Variants in NOL4 observed in about 807,000 individuals in gnomAD.
NOL4 encodes cancer/testis antigen 125.
In NOL4, 17 loss-of-function variants were observed where a neutral mutation model predicts 75.9. The ratio of observed to expected loss-of-function variants is 0.22; its 90% CI spans 0.15 to 0.34. NOL4 has a LOEUF of 0.34. Ranked by LOEUF, NOL4 falls within the 10% of genes least tolerant of loss-of-function variation. NOL4 has a pLI of 1.00. For synonymous variants in NOL4, 292 were observed against 289.9 expected (o/e 1.01, Z -0.07); for missense variants, 614 against 793.5 (o/e 0.77, Z 2.72).
rs1003590468 is a variant in NOL4, at chr18:33,882,151, A to T, written c.1723+1093T>A. 6.3e-3 allele frequency among the ~76,000 whole-genome samples: 959 copies of T among 152,312 alleles called. 8 individuals are homozygous for T. The highest frequency in any genetic ancestry group is 0.021 in the African/African-American group (882 of 41,568). On this transcript the variant is annotated intron_variant, in intron 10 of 10. Transcript: ENST00000261592. ...ATTCAGGACATAGGCATGGACAAGG[A>T]CTTCATGTCTAAAACACCAAAAGCA...
rs530037793 is a variant in NOL4 at position 33,907,046 on chromosome 18, A to G, written c.1543-23622T>C. Among the ~76,000 whole-genome samples, 3 of 152,256 alleles carry G rather than the reference A, an allele frequency of 2.0e-5. No homozygotes were observed. In the South Asian group the frequency reaches 6.2e-4, roughly 32 times the overall value. On this transcript the variant is annotated intron_variant, in intron 9 of 10. Coordinates refer to ENST00000261592, the MANE Select transcript of NOL4 (RefSeq NM_003787.5). The stretch of plus-strand genomic sequence containing the variant: ...GCTACAAAAGACCTTGAAAGAGGCA[A>G]GGCACGGTGGCTCACGCCTGTAATC...
At chr18:33,948,218 T>C (rs2068969940) in intron 8 of NOL4, among the ~76,000 whole-genome samples, 1 of 151,920 alleles carries the variant, frequency 6.6e-6, no homozygotes, top group Admixed American at 6.6e-5. Context: ...CCACCCAAGG[T>C]TGTAAGTAGA....
At chr18:34,092,327 C>T (rs958867998) in intron 5 of NOL4, among the ~76,000 whole-genome samples, 11 of 152,056 alleles carry the variant, frequency 7.2e-5, no homozygotes, top group African/African-American at 1.7e-4. Context: ...TATTATAGCA[C>T]GTAGCAATTA....
chr18:34,043,600 C>T (rs940741326), intron 5 of NOL4, among the ~76,000 whole-genome samples: 4 of 152,108 alleles, frequency 2.6e-5, no homozygotes, highest in African/African-American at 4.8e-5. Context: ...TTAGTTATAT[C>T]GCTTTAAAAA....
At chr18:33,863,014 A>T (rs1000494850) in intron 10 of NOL4, among the ~76,000 whole-genome samples, 1 of 152,226 alleles carries the variant, frequency 6.6e-6, no homozygotes, top group African/African-American at 2.4e-5. Flanking sequence ...AAGACTTGGA[A>T]CCAAGCCAAA....
At chr18:34,000,627 C>T (rs2073627876) in intron 6 of NOL4, among the ~76,000 whole-genome samples, 1 of 152,018 alleles carries the variant, frequency 6.6e-6, no homozygotes, top group Non-Finnish European at 1.5e-5. Flanking sequence ...TCTCAATGTC[C>T]ACATCATATT....
intron 10 of NOL4, among the ~76,000 whole-genome samples, chr18:33,879,564 C>A (rs1487994901): frequency 6.6e-6 from 1 of 151,902 alleles, no homozygotes; most frequent in Non-Finnish European, 1.5e-5. Flanking sequence ...ACCTGTAGTA[C>A]CAACTACTCT....
chr18:33,868,459 C>T (rs16964994), intron 10 of NOL4, among the ~76,000 whole-genome samples: 23,089 of 151,924 alleles, frequency 0.15, 1,888 homozygotes, highest in Non-Finnish European at 0.18. Flanking sequence ...TTTATATACT[C>T]TATTCAGGAG....
At chr18:33,862,524 G>A (rs149747101) in intron 10 of NOL4, among the ~76,000 whole-genome samples, 3,467 of 152,126 alleles carry the variant, frequency 0.023, 139 homozygotes, top group African/African-American at 0.079. Context: ...CTACTCATCT[G>A]ACAAAGGGCT....
At chr18:33,909,256 C>T (rs1410722602) in intron 9 of NOL4, among the ~76,000 whole-genome samples, 3 of 151,998 alleles carry the variant, frequency 2.0e-5, no homozygotes, top group Non-Finnish European at 4.4e-5. Flanking sequence ...TTCTATTTTC[C>T]TTCCATTTTT....
intron 10 of NOL4, among the ~76,000 whole-genome samples, chr18:33,862,758 A>T (rs1383908702): frequency 6.6e-6 from 1 of 152,224 alleles, no homozygotes; most frequent in African/African-American, 2.4e-5. Flanking sequence ...AATCATTAAA[A>T]AGTCAGGAAA....
At chr18:34,103,897 ACTTTTCCCAT>A (rs2079150412) in intron 4 of NOL4, 140 bp downstream of exon 4, 3 of 551,402 alleles carry the variant, frequency 5.4e-6, no homozygotes, top group Middle Eastern at 5.2e-4. Context: ...GTTTCTGCTC[ACTTTTCCCAT>A]CTGTGCAACT....
intron 8 of NOL4, among the ~76,000 whole-genome samples, chr18:33,952,118 T>C (rs2069274694): frequency 6.6e-6 from 1 of 152,198 alleles, no homozygotes; most frequent in Admixed American, 6.5e-5. Context: ...TTATATTATA[T>C]TCAGGATTTG....
intron 9 of NOL4, among the ~76,000 whole-genome samples, chr18:33,931,482 G>A (rs575623455): frequency 6.6e-6 from 1 of 152,212 alleles, no homozygotes; most frequent in East Asian, 1.9e-4. Flanking sequence ...TGTCATCCTA[G>A]TACTTTGGGA....
chr18:33,948,752 T>C (rs2069007064), intron 8 of NOL4, among the ~76,000 whole-genome samples: 1 of 152,040 alleles, frequency 6.6e-6, no homozygotes, highest in Admixed American at 6.6e-5. Flanking sequence ...CACTTTTATA[T>C]ATGATAGGAA....
chr18:33,987,201 G>A (rs577505782), intron 6 of NOL4, among the ~76,000 whole-genome samples: 9 of 152,026 alleles, frequency 5.9e-5, no homozygotes, highest in Admixed American at 1.3e-4. Flanking sequence ...TACCATAAAA[G>A]CTAGACTGAA....
At chr18:33,953,691 G>GA (rs1239459712) in intron 8 of NOL4, among the ~76,000 whole-genome samples, 5 of 152,174 alleles carry the variant, frequency 3.3e-5, no homozygotes, top group Admixed American at 3.3e-4. Flanking sequence ...TATCAGTGGA[G>GA]AAAATAGGTG....
chr18:33,888,729 A>G (rs2064916465), intron 9 of NOL4, among the ~76,000 whole-genome samples: 1 of 152,028 alleles, frequency 6.6e-6, no homozygotes, highest in Admixed American at 6.6e-5. Context: ...AGATGGTTGT[A>G]GATGTGTGGT....
chr18:34,029,561 C>G (rs1215562863), intron 5 of NOL4, among the ~76,000 whole-genome samples: 2 of 152,296 alleles, frequency 1.3e-5, no homozygotes, highest in Admixed American at 6.5e-5. Flanking sequence ...TCAGGAGCAG[C>G]TGACTCCATA....
Sources: gnomAD v4.1 joint callset for allele counts (sites outside exome capture counted in the v4.1 genomes callset) on GRCh38, gnomAD v4.1.1 for gene constraint, MANE v1.5 for transcripts, NCBI Gene and HGNC (gene_info 2026-07-23, HGNC 2026-07-21) for gene names.